ADAMDEC1: variants seen among roughly 807,000 people sequenced by gnomAD.
The protein encoded by ADAMDEC1 is ADAM DEC1.
ADAMDEC1 carries 62 observed loss-of-function variants against 60.4 expected under a neutral mutation model. The ratio of observed to expected loss-of-function variants is 1.03; its 90% confidence interval spans 0.84 to 1.27. The LOEUF (loss-of-function observed/expected upper bound fraction) is 1.27. ADAMDEC1 is among the 50% of genes most tolerant of loss of function. ADAMDEC1 has a pLI of 0.00. For synonymous variants in ADAMDEC1, 210 were observed against 195.1 expected, an observed-to-expected ratio of 1.08 and a Z score of -0.64; for missense variants, 595 against 565.0, an observed-to-expected ratio of 1.05 and a Z score of -0.54.
At chr8:24,395,660 ACACT>A (rs1327817822) in intron 4 of ADAMDEC1, 56 bp from the exon 5 acceptor site, 12 of 1,105,878 alleles carry the variant, frequency 1.1e-5, no homozygotes, top group East Asian at 4.7e-5. Flanking sequence ...CATTACACAC[ACACT>A]CACATACACA....
intron 4 of ADAMDEC1, among the ~76,000 whole-genome samples, chr8:24,395,465 C>A (rs1817581661): frequency 1.3e-5 from 2 of 152,160 alleles, no homozygotes; most frequent in African/African-American, 4.8e-5. Flanking sequence ...AAATTAATGT[C>A]AGAAAAACAG....
intron 1 of ADAMDEC1, among the ~76,000 whole-genome samples, chr8:24,389,267 C>T (rs1007296562): frequency 6.6e-6 from 1 of 152,184 alleles, no homozygotes; most frequent in Non-Finnish European, 1.5e-5. Context: ...CTTCACCTTT[C>T]CTCAAGTCTG....
At chr8:24,391,249 T>G (rs74428391) in intron 1 of ADAMDEC1, among the ~76,000 whole-genome samples, 3,553 of 152,282 alleles carry the variant, frequency 0.023, 138 homozygotes, top group African/African-American at 0.082. Flanking sequence ...AAACTGTCTC[T>G]AAGCACAGAT....
intron 1 of ADAMDEC1, among the ~76,000 whole-genome samples, chr8:24,386,241 T>C (rs1585799638): frequency 1.3e-5 from 2 of 152,220 alleles, no homozygotes; most frequent in East Asian, 3.9e-4. Context: ...TATAATTTTA[T>C]ACCTGGTAAT....
chr8:24,394,017 TC>T (rs1554529540), intron 3 of ADAMDEC1, 51 bp from the exon 4 acceptor site: 4 of 1,258,340 alleles, frequency 3.2e-6, no homozygotes, highest in Non-Finnish European at 4.6e-6. Context: ...TTCAGGAAGT[TC>T]TGCCTTTCTT....
intron 2 of ADAMDEC1, 115 bp from the exon 3 acceptor site, chr8:24,393,147 G>T (rs966315612): frequency 3.4e-6 from 2 of 588,140 alleles, no homozygotes; most frequent in Non-Finnish European, 5.6e-6. Context: ...AAACACAAAA[G>T]AATTGCTTTT....
intron 3 of ADAMDEC1, 68 bp from the exon 4 acceptor site, chr8:24,394,001 C>T: frequency 9.7e-7 from 1 of 1,033,572 alleles, no homozygotes; most frequent in Non-Finnish European, 1.5e-6. Flanking sequence ...TATTTTAGTG[C>T]TGAAGTTCAG....
intron 4 of ADAMDEC1, 45 bp from the exon 5 acceptor site, chr8:24,395,669 TACACAC>T: frequency 4.4e-6 from 5 of 1,141,730 alleles, no homozygotes; most frequent in Non-Finnish European, 5.2e-6. Context: ...CACACTCACA[TACACAC>T]ACACACACAC....
In ADAMDEC1 at chr8:24,389,992, C is replaced by G. The variant is rs371207010; in HGVS notation, c.89-2270C>G. ...TCATCACCATAGTACTTATCATCTT[C>G]CAACCTGTAAATAATTTTTCATAAT... On this transcript the variant is annotated intron_variant, in intron 1 of 13. Coordinates refer to ENST00000256412, the MANE Select transcript of ADAMDEC1 (RefSeq NM_014479.3). 14 of 316,990 alleles carry G rather than the reference C, an allele frequency of 4.4e-5. 1 individual carries two copies. The highest frequency in any genetic ancestry group is 1.9e-4 in the African/African-American group (9 of 46,380). The allele number at this position is 316,990 out of a possible 1,614,324, so 19.6% of individuals were successfully genotyped here.
intron 1 of ADAMDEC1, among the ~76,000 whole-genome samples, chr8:24,390,982 A>G (rs1245167174): frequency 1.3e-5 from 2 of 152,120 alleles, no homozygotes; most frequent in East Asian, 3.9e-4. Flanking sequence ...GACATTATTA[A>G]AATTCATTCT....
chr8:24,389,366 C>T (rs1460512583), intron 1 of ADAMDEC1, among the ~76,000 whole-genome samples: 1 of 152,132 alleles, frequency 6.6e-6, no homozygotes, highest in African/African-American at 2.4e-5. Flanking sequence ...AATCCTTCAC[C>T]AATTCTATTG....
chr8:24,394,427 CCATTT>C (rs1481247186), intron 4 of ADAMDEC1, among the ~76,000 whole-genome samples: 1 of 152,144 alleles, frequency 6.6e-6, no homozygotes, highest in Non-Finnish European at 1.5e-5. Context: ...TCTCCCTAGA[CCATTT>C]TATCCATAGG....
intron 12 of ADAMDEC1, among the ~76,000 whole-genome samples, chr8:24,402,593 G>T (rs1362705463): frequency 3.9e-5 from 6 of 152,108 alleles, no homozygotes; most frequent in Non-Finnish European, 8.8e-5. Flanking sequence ...CTATGATTCT[G>T]CTAATTTATA....
intron 10 of ADAMDEC1, 138 bp from the exon 11 acceptor site, chr8:24,400,032 C>A: frequency 3.1e-6 from 2 of 638,874 alleles, no homozygotes; most frequent in Non-Finnish European, 4.9e-6. Context: ...AATGCTCTTT[C>A]AACGTTTTGC....
intron 6 of ADAMDEC1, 56 bp from the exon 7 acceptor site, chr8:24,397,627 T>C (rs1317783136): frequency 6.5e-7 from 1 of 1,542,842 alleles, no homozygotes; most frequent in South Asian, 1.2e-5. Context: ...TTTTAAGCTT[T>C]GGAATCTTTT....
Position 24,404,035 on chromosome 8 carries a change from G to C in ADAMDEC1, c.1353G>C (p.Thr451=). Residue 451 remains threonine (T), a synonymous_variant, in exon 13 of 14, where the codon ACG becomes ACC. Transcript: ENST00000256412. ...ECTNLCCEAL[T]CKLKPGTDCG... ...CCAATCTCTGCTGTGAAGCCCTAAC[G>C]TGTAAACTGAAGCCTGGAACTGATT... is the stretch of plus-strand genomic sequence containing the variant. 6.2e-7 allele frequency: 1 copy of C among 1,613,756 alleles called. No homozygotes were observed.
At chr8:24,394,839 C>T (rs1014745699) in intron 4 of ADAMDEC1, among the ~76,000 whole-genome samples, 7 of 152,168 alleles carry the variant, frequency 4.6e-5, no homozygotes, top group East Asian at 3.9e-4. Flanking sequence ...CTATCTTCAG[C>T]GGACAGTGTC....
At chr8:24,390,891 A>G (rs1817429275) in intron 1 of ADAMDEC1, among the ~76,000 whole-genome samples, 1 of 152,170 alleles carries the variant, frequency 6.6e-6, no homozygotes, top group Non-Finnish European at 1.5e-5. Context: ...AATAAGGTAG[A>G]CAGAACAAGA....
Position 24,398,967 on chromosome 8 carries a change from A to G in ADAMDEC1, c.856A>G (p.Thr286Ala). The change falls in exon 9 of 14, where the codon ACG (threonine) becomes GCG (alanine). Residue 286 changes from threonine (T) to alanine (A), a missense_variant. Transcript: ENST00000256412. ...KIKVVPSAST[T>A]FDNFLRWHSS... ...AAAGGTGGTGCCCAGCGCAAGCACC[A>G]CGTTTGACAACTTCCTGAGATGGCA... The G allele has an allele frequency of 6.2e-7, 1 of 1,613,894 alleles. No individual in the cohort carries two copies. The highest frequency in any genetic ancestry group is 8.5e-7 in the Non-Finnish European group (1 of 1,179,880).
Sources: allele counts gnomAD v4.1 joint callset (sites outside exome capture counted in the v4.1 genomes callset), GRCh38; gene constraint gnomAD v4.1.1; transcripts MANE v1.5; gene names NCBI Gene and HGNC (gene_info 2026-07-23, HGNC 2026-07-21).